The following TMUB1 variants were observed in gnomAD, a reference collection of about 807,000 sequenced individuals.
TMUB1 encodes transmembrane and ubiquitin like domain containing 1.
In TMUB1, 9 loss-of-function variants were observed where a neutral mutation model predicts 16.2. That is an observed-to-expected ratio of 0.55 (90% CI 0.33 to 0.97). The LOEUF (loss-of-function observed/expected upper bound fraction) is 0.97, where lower values mean the gene tolerates loss of function less well. Among genes scored for constraint, TMUB1 ranks in the 50% least tolerant of loss-of-function variants. The pLI is 0.03. For missense variants in TMUB1, 309 were observed against 313.5 expected (o/e 0.99, Z 0.11); for synonymous variants, 155 against 152.2 (o/e 1.02, Z -0.13).
chr7:151,082,377 T>A lies in TMUB1; in HGVS notation c.187A>T (p.Arg63Ter). 6.3e-7 allele frequency: 1 copy of A among 1,598,002 alleles called. No homozygotes were observed. Among genetic ancestry groups the A allele is most frequent in the Non-Finnish European group, 8.5e-7 (1 of 1,172,270 alleles). ...SAAMAATDSM[R>*]GEAPGAETPS... ...GTCTCTGCCCCTGGGGCCTCCCCTC[T>A]CATGCTGTCGGTAGCTGCCATGGCT... Residue 63 changes from arginine (R) to a stop codon, truncating the protein, a stop_gained, in exon 2 of 3, where the codon AGA becomes TGA. Transcript: ENST00000297533. LOFTEE classifies it high-confidence loss of function. This position sits in a 1 kb window ranked among gnomAD's most constrained non-coding sequence, Gnocchi z 7.0.
chr7:151,081,105 T>C lies in TMUB1; in HGVS notation c.*444A>G, dbSNP rs766473352. 107 of 255,798 alleles carry C rather than the reference T, an allele frequency of 4.2e-4. No homozygotes were observed. Among genetic ancestry groups the C allele is most frequent in the Non-Finnish European group, 7.0e-4 (94 of 135,210 alleles). The allele number at this position is 255,798 out of a possible 1,614,324, so 15.8% of individuals were successfully genotyped here. On this transcript the variant is annotated 3_prime_UTR_variant, in exon 3 of 3. Coordinates refer to ENST00000297533, the MANE Select transcript of TMUB1 (RefSeq NM_001136044.2). This position sits in a 1 kb window ranked among gnomAD's most constrained non-coding sequence, Gnocchi z 7.6. ...AAGAGTGAAAACTTCACAGTTACTT[T>C]AATCTGCACGGGTTCCGGGGAACTC... is the stretch of plus-strand genomic sequence containing the variant.
rs752785697 is a variant in TMUB1 at position 151,082,164 on chromosome 7, G to C, written c.389+11C>G. 6 of 1,502,332 alleles carry C rather than the reference G, an allele frequency of 4.0e-6. No homozygotes were observed. The highest frequency in any genetic ancestry group is 5.3e-6 in the Non-Finnish European group (6 of 1,124,886). The allele number at this position is 1,502,332 out of a possible 1,614,324, so 93.1% of individuals were successfully genotyped here. On this transcript the variant is annotated intron_variant, in intron 2 of 2. Transcript: ENST00000297533. The surrounding 1 kb of genome is among the most constrained non-coding windows in gnomAD (Gnocchi z 7.0). ...GTCTTTAGCATTGCTCCTGCCTCTT[G>C]ACCTACTTACCTTTTCAAGGAGCCA...
In TMUB1 at chr7:151,082,141, C is replaced by G. The variant is rs1161229959; in HGVS notation, c.389+34G>C. On this transcript the variant is annotated intron_variant, in intron 2 of 2. Transcript: ENST00000297533. This position sits in a 1 kb window ranked among gnomAD's most constrained non-coding sequence, Gnocchi z 7.0. ...CTGCGACCACTCTCCCAACCCCTGT[C>G]TTTAGCATTGCTCCTGCCTCTTGAC... 18 of 1,498,412 alleles carry G rather than the reference C, an allele frequency of 1.2e-5. No individual in the cohort carries two copies. The highest frequency in any genetic ancestry group is 1.5e-5 in the Non-Finnish European group (17 of 1,123,746). The allele number at this position is 1,498,412 out of a possible 1,614,324, so 92.8% of individuals were successfully genotyped here.
In TMUB1 at chr7:151,082,409, G is replaced by C; in HGVS notation, c.155C>G (p.Pro52Arg). Residue 52 changes from proline to arginine, a missense_variant, in exon 2 of 3, where the codon CCC becomes CGC. Coordinates refer to ENST00000297533, the MANE Select transcript of TMUB1 (RefSeq NM_001136044.2). The surrounding 1 kb of genome is among the most constrained non-coding windows in gnomAD (Gnocchi z 7.0). The part of the protein sequence containing the change: ...QPSGTPTPSQ[P>R]SAAMAATDSM... ...GTCGGTAGCTGCCATGGCTGCGCTGGGCTGGGATGGCGTTGGGGTCCCTGA... is the reference window on the plus strand; with the variant it reads ...GTCGGTAGCTGCCATGGCTGCGCTGCGCTGGGATGGCGTTGGGGTCCCTGA... 1 of 1,608,304 alleles carries C rather than the reference G, an allele frequency of 6.2e-7. No homozygotes were observed. The highest frequency in any genetic ancestry group is 8.5e-7 in the Non-Finnish European group (1 of 1,176,912).
chr7:151,082,505 C>T lies in TMUB1; in HGVS notation c.59G>A (p.Cys20Tyr). The T allele has an allele frequency of 6.5e-7, 1 of 1,550,126 alleles. No homozygotes were observed. Among genetic ancestry groups the T allele is most frequent in the South Asian group, 1.2e-5 (1 of 84,336 alleles). The part of the protein sequence containing the change: ...EVTVLFSVLA[C>Y]LLVLALAWVS... ...CCAGGCAAGGGCCAGCACCAGAAGG[C>T]AGGCAAGCACCGAGAAAAGGACGGT... The change falls in exon 2 of 3, where the codon TGC (cysteine) becomes TAC (tyrosine). Residue 20 changes from cysteine (C) to tyrosine (Y), a missense_variant. Cys to Tyr is a radical substitution (Grantham distance 194). Coordinates refer to ENST00000297533, the MANE Select transcript of TMUB1 (RefSeq NM_001136044.2). The surrounding 1 kb of genome is among the most constrained non-coding windows in gnomAD (Gnocchi z 7.0).
Position 151,082,334 on chromosome 7 carries a change from C to T in TMUB1, c.230G>A (p.Arg77Lys), listed in dbSNP as rs1347793783. ...PGAETPSLRH[R>K]GQAAQPEPST... ...GGGCTCTGGCTGTGCAGCTTGACCTCTGTGTCTCAGGCTGGGGGTCTCTGC... is the reference window on the plus strand; with the variant it reads ...GGGCTCTGGCTGTGCAGCTTGACCTTTGTGTCTCAGGCTGGGGGTCTCTGC... Residue 77 changes from arginine (R) to lysine (K), a missense_variant, in exon 2 of 3, where the codon AGA becomes AAA. Coordinates refer to ENST00000297533, the MANE Select transcript of TMUB1 (RefSeq NM_001136044.2). This position sits in a 1 kb window ranked among gnomAD's most constrained non-coding sequence, Gnocchi z 7.0. The T allele has an allele frequency of 6.2e-7, 1 of 1,600,982 alleles. No individual in the cohort carries two copies. Among genetic ancestry groups the T allele is most frequent in the Non-Finnish European group, 8.5e-7 (1 of 1,172,302 alleles).
chr7:151,082,504 G>A lies in TMUB1; in HGVS notation c.60C>T (p.Cys20=), dbSNP rs911397157. The A allele has an allele frequency of 6.4e-7, 1 of 1,557,032 alleles. No individual in the cohort carries two copies. The highest frequency in any genetic ancestry group is 1.2e-5 in the South Asian group (1 of 84,990). The stretch of plus-strand genomic sequence containing the variant: ...CCCAGGCAAGGGCCAGCACCAGAAG[G>A]CAGGCAAGCACCGAGAAAAGGACGG... ...EVTVLFSVLA[C]LLVLALAWVS... is the part of the protein sequence containing the mutation. The change falls in exon 2 of 3, where the codon TGC becomes TGT. Residue 20 remains cysteine, a synonymous_variant. Transcript: ENST00000297533. This position sits in a 1 kb window ranked among gnomAD's most constrained non-coding sequence, Gnocchi z 7.0.
In TMUB1 at chr7:151,082,255, G is replaced by A. The variant is rs764256756; in HGVS notation, c.309C>T (p.Leu103=). The A allele has an allele frequency of 3.3e-5, 51 of 1,568,754 alleles. No individual in the cohort carries two copies. Among genetic ancestry groups the A allele is most frequent in the Non-Finnish European group, 4.2e-5 (49 of 1,156,510 alleles). The stretch of plus-strand genomic sequence containing the variant: ...CATTGAGGAATTTCAGCCGTAGCAC[G>A]AGGGGCTCCTGCGGGGAGTCCGGGG... ...PPAPDSPQEP[L]VLRLKFLNDS... The change falls in exon 2 of 3, where the codon CTC becomes CTT. Residue 103 remains leucine, a synonymous_variant. Transcript: ENST00000297533. The surrounding 1 kb of genome is among the most constrained non-coding windows in gnomAD (Gnocchi z 7.0).
rs990394249 is a variant in TMUB1 at position 151,082,678 on chromosome 7, C to G, written c.-30-85G>C. On this transcript the variant is annotated intron_variant, in intron 1 of 2. Transcript: ENST00000297533. The surrounding 1 kb of genome is among the most constrained non-coding windows in gnomAD (Gnocchi z 7.0). The stretch of plus-strand genomic sequence containing the variant: ...CCACAGGGTCCTGCCCTCACCCCAC[C>G]GCGACGCTCCCACCGTCCTCAGCCT... The G allele has an allele frequency of 9.0e-7, 1 of 1,112,476 alleles. No individual in the cohort carries two copies. The highest frequency in any genetic ancestry group is 1.2e-6 in the Non-Finnish European group (1 of 850,062). The allele number at this position is 1,112,476 out of a possible 1,614,324, so 68.9% of individuals were successfully genotyped here.
Position 151,081,669 on chromosome 7 carries a change from C to G in TMUB1, c.621G>C (p.Leu207Phe), listed in dbSNP as rs1797991203. The G allele has an allele frequency of 1.9e-6, 3 of 1,593,374 alleles. No homozygotes were observed. Among genetic ancestry groups the G allele is most frequent in the Non-Finnish European group, 1.7e-6 (2 of 1,170,318 alleles). Residue 207 changes from leucine (L) to phenylalanine (F), a missense_variant, in exon 3 of 3, where the codon TTG (leucine) becomes TTC (phenylalanine). Transcript: ENST00000297533. The surrounding 1 kb of genome is among the most constrained non-coding windows in gnomAD (Gnocchi z 7.6). ...GGATCTGGCAGTACCAGAGCAGCAGCAACAGCAGGAGCAGCAGGGGCAGCA... is the reference window on the plus strand; with the variant it reads ...GGATCTGGCAGTACCAGAGCAGCAGGAACAGCAGGAGCAGCAGGGGCAGCA... ...SLLLPLLLLL[L>F]LLLWYCQIQY...
rs1798019517 is a variant in TMUB1, at chr7:151,082,394, G to A, written c.170C>T (p.Ala57Val). The change falls in exon 2 of 3, where the codon GCA becomes GTA. Residue 57 changes from alanine (A) to valine (V), a missense_variant. Coordinates refer to ENST00000297533, the MANE Select transcript of TMUB1 (RefSeq NM_001136044.2). The surrounding 1 kb of genome is among the most constrained non-coding windows in gnomAD (Gnocchi z 7.0). ...PTPSQPSAAMAATDSMRGEAP... is the reference protein window; with the variant it reads ...PTPSQPSAAMVATDSMRGEAP... Reference sequence around the variant, plus strand: ...CTCCCCTCTCATGCTGTCGGTAGCTGCCATGGCTGCGCTGGGCTGGGATGG... The same window carrying A: ...CTCCCCTCTCATGCTGTCGGTAGCTACCATGGCTGCGCTGGGCTGGGATGG... 1.2e-6 allele frequency: 2 copies of A among 1,604,612 alleles called. No homozygotes were observed. Among genetic ancestry groups the A allele is most frequent in the East Asian group, 4.5e-5 (2 of 44,620 alleles).
In TMUB1 at chr7:151,082,323, C is replaced by T. The variant is rs993602760; in HGVS notation, c.241G>A (p.Ala81Thr). The T allele has an allele frequency of 8.1e-6, 13 of 1,600,276 alleles. No individual in the cohort carries two copies. The highest frequency in any genetic ancestry group is 1.1e-5 in the Non-Finnish European group (13 of 1,171,938). The change falls in exon 2 of 3, where the codon GCA (alanine) becomes ACA (threonine). Residue 81 changes from alanine (A) to threonine (T), a missense_variant. Coordinates refer to ENST00000297533, the MANE Select transcript of TMUB1 (RefSeq NM_001136044.2). This position sits in a 1 kb window ranked among gnomAD's most constrained non-coding sequence, Gnocchi z 7.0. ...AACCCCGTGCTGGGCTCTGGCTGTG[C>T]AGCTTGACCTCTGTGTCTCAGGCTG... is the stretch of plus-strand genomic sequence containing the variant. ...TPSLRHRGQA[A>T]QPEPSTGFTA... is the part of the protein sequence containing the mutation.
At position 151,082,427 on chromosome 7, in the gene TMUB1, G is replaced by T. The variant is rs370840691; in HGVS notation, c.137C>A (p.Thr46Asn). The change falls in exon 2 of 3, where the codon ACC becomes AAC. Residue 46 changes from threonine to asparagine, a missense_variant. Coordinates refer to ENST00000297533, the MANE Select transcript of TMUB1 (RefSeq NM_001136044.2). This position sits in a 1 kb window ranked among gnomAD's most constrained non-coding sequence, Gnocchi z 7.0. ...TGCGCTGGGCTGGGATGGCGTTGGG[G>T]TCCCTGACGGCTGGGGCAGTGGGTC... is the stretch of plus-strand genomic sequence containing the variant. ...GGDPLPQPSG[T>N]PTPSQPSAAM... is the part of the protein sequence containing the mutation. 6.2e-7 allele frequency: 1 copy of T among 1,608,970 alleles called. No homozygotes were observed. Among genetic ancestry groups the T allele is most frequent in the Non-Finnish European group, 8.5e-7 (1 of 1,177,232 alleles).
In TMUB1 at chr7:151,081,880, T is replaced by G; in HGVS notation, c.410A>C (p.Glu137Ala). ...SLKRTQFPGR[E>A]QQVRLIYQGQ... ...TTGGTAGATGAGTCGCACCTGCTGT[T>G]CCCGGCCGGGAAACTGGGTCCTGAG... The change falls in exon 3 of 3, where the codon GAA (glutamate) becomes GCA (alanine). Residue 137 changes from glutamate to alanine, a missense_variant. By Grantham distance (107) the Glu-to-Ala change is moderately radical. Transcript: ENST00000297533. The surrounding 1 kb of genome is among the most constrained non-coding windows in gnomAD (Gnocchi z 7.6). 1 of 1,484,008 alleles carries G rather than the reference T, an allele frequency of 6.7e-7. No homozygotes were observed. The allele number at this position is 1,484,008 out of a possible 1,614,324, so 91.9% of individuals were successfully genotyped here.
chr7:151,081,760 G>T lies in TMUB1; in HGVS notation c.530C>A (p.Pro177His). The stretch of plus-strand genomic sequence containing the variant: ...CCCCGGCGGGCAGGGGGGATTTGGG[G>T]GACCGACTCTCGTGGACACGTGGCA... ...LHCHVSTRVG[P>H]PNPPCPPGSE... The change falls in exon 3 of 3, where the codon CCC (proline) becomes CAC (histidine). Residue 177 changes from proline (P) to histidine (H), a missense_variant. Physicochemically the swap from Pro to His is moderately conservative, Grantham distance 77. Transcript: ENST00000297533. This position sits in a 1 kb window ranked among gnomAD's most constrained non-coding sequence, Gnocchi z 7.6. 6.3e-7 allele frequency: 1 copy of T among 1,593,916 alleles called. No individual in the cohort carries two copies. Among genetic ancestry groups the T allele is most frequent in the Non-Finnish European group, 8.5e-7 (1 of 1,171,708 alleles).
Position 151,082,352 on chromosome 7 carries a change from G to A in TMUB1, c.212C>T (p.Thr71Ile). 6.3e-7 allele frequency: 1 copy of A among 1,597,604 alleles called. No individual in the cohort carries two copies. Among genetic ancestry groups the A allele is most frequent in the Non-Finnish European group, 8.5e-7 (1 of 1,170,998 alleles). ...TTGACCTCTGTGTCTCAGGCTGGGG[G>A]TCTCTGCCCCTGGGGCCTCCCCTCT... ...SMRGEAPGAE[T>I]PSLRHRGQAA... The change falls in exon 2 of 3, where the codon ACC (threonine) becomes ATC (isoleucine). Residue 71 changes from threonine (T) to isoleucine (I), a missense_variant. Thr to Ile is a moderately conservative substitution (Grantham distance 89, BLOSUM62 -1). Coordinates refer to ENST00000297533, the MANE Select transcript of TMUB1 (RefSeq NM_001136044.2). The surrounding 1 kb of genome is among the most constrained non-coding windows in gnomAD (Gnocchi z 7.0).
At position 151,082,445 on chromosome 7, in the gene TMUB1, AG is replaced by A. The variant is rs766558040; in HGVS notation, c.118del (p.Leu40CysfsTer23). ...CGTTGGGGTCCCTGACGGCTGGGGC[AG>A]TGGGTCCCCGCCCTCAGCGGTGTGC... ...STHTAEGGDP[L>X]PQPSGTPTPS... On this transcript the variant is annotated frameshift_variant, in exon 2 of 3. Coordinates refer to ENST00000297533, the MANE Select transcript of TMUB1 (RefSeq NM_001136044.2). LOFTEE classifies it high-confidence loss of function. This position sits in a 1 kb window ranked among gnomAD's most constrained non-coding sequence, Gnocchi z 7.0. 6.2e-7 allele frequency: 1 copy of A among 1,608,952 alleles called. No homozygotes were observed. The highest frequency in any genetic ancestry group is 1.7e-5 in the Admixed American group (1 of 59,516).
chr7:151,081,213 A>C lies in TMUB1; in HGVS notation c.*336T>G. ...AGCCCAAGGAGCTGTCAGGGATTGG[A>C]GGCGGCTGGGTCCTCCGGCAGAACA... On this transcript the variant is annotated 3_prime_UTR_variant, in exon 3 of 3. Transcript: ENST00000297533. The surrounding 1 kb of genome is among the most constrained non-coding windows in gnomAD (Gnocchi z 7.6). 1 of 204,742 alleles carries C rather than the reference A, an allele frequency of 4.9e-6. No individual in the cohort carries two copies. The highest frequency in any genetic ancestry group is 9.7e-6 in the Non-Finnish European group (1 of 103,170). The allele number at this position is 204,742 out of a possible 1,614,324, so 12.7% of individuals were successfully genotyped here.
In TMUB1 at chr7:151,082,299, A is replaced by G; in HGVS notation, c.265T>C (p.Phe89Leu). 4 of 1,595,800 alleles carry G rather than the reference A, an allele frequency of 2.5e-6. No homozygotes were observed. The highest frequency in any genetic ancestry group is 2.6e-6 in the Non-Finnish European group (3 of 1,170,122). The change falls in exon 2 of 3, where the codon TTC becomes CTC. Residue 89 changes from phenylalanine (F) to leucine (L), a missense_variant. Coordinates refer to ENST00000297533, the MANE Select transcript of TMUB1 (RefSeq NM_001136044.2). This position sits in a 1 kb window ranked among gnomAD's most constrained non-coding sequence, Gnocchi z 7.0. Reference sequence around the variant, plus strand: ...TCCGGGGCTGGCGGTGTTGCTGTGAACCCCGTGCTGGGCTCTGGCTGTGCA... The same window carrying G: ...TCCGGGGCTGGCGGTGTTGCTGTGAGCCCCGTGCTGGGCTCTGGCTGTGCA... Reference protein sequence around the residue: ...QAAQPEPSTGFTATPPAPDSP... With the variant: ...QAAQPEPSTGLTATPPAPDSP...
Sources: gnomAD v4.1 joint callset for allele counts on GRCh38, gnomAD v4.1.1 for gene constraint, Gnocchi (gnomAD v3.1) non-coding constraint, MANE v1.5 for transcripts, NCBI Gene and HGNC (gene_info 2026-07-23, HGNC 2026-07-21) for gene names.